ABCA3: variants seen among roughly 807,000 people sequenced by gnomAD.
The protein encoded by ABCA3 is phospholipid-transporting ATPase ABCA3.
Under a neutral mutation model 172.8 loss-of-function variants are expected in ABCA3, and 88 were observed. The observed-to-expected ratio is 0.51, with a 90% CI of 0.43 to 0.61. ABCA3 has a LOEUF of 0.61. Among genes scored for constraint, ABCA3 ranks in the 20% least tolerant of loss-of-function variants. The pLI, the probability that ABCA3 is intolerant of heterozygous loss-of-function variation, is 0.00. For missense variants in ABCA3, 2,164 were observed against 2,301.0 expected (o/e 0.94, Z 1.22); for synonymous variants, 1,066 against 983.8 (o/e 1.08, Z -1.56).
chr16:2,282,783 C>T (rs1455741441), intron 26 of ABCA3, among the ~76,000 whole-genome samples: 2 of 126,418 alleles, frequency 1.6e-5, no homozygotes, highest in African/African-American at 6.2e-5. Context: ...ACCACCTCTG[C>T]TCAGCAGGAC....
chr16:2,290,365 A>G (rs2093670180), intron 19 of ABCA3, among the ~76,000 whole-genome samples: 1 of 152,226 alleles, frequency 6.6e-6, no homozygotes, highest in Non-Finnish European at 1.5e-5. Context: ...GTCCTAGACA[A>G]ACCAGGAAAA....
Position 2,276,516 on chromosome 16 carries a change from A to C in ABCA3, c.*158T>G. On this transcript the variant is annotated 3_prime_UTR_variant, in exon 33 of 33. Transcript: ENST00000301732. ...ATCCTGGGCATGAGGGCTGGGCTGC[A>C]CTCGTCCATTCTGTGCATACTGCCT... 1 of 1,228,790 alleles carries C rather than the reference A, an allele frequency of 8.1e-7. No homozygotes were observed. Among genetic ancestry groups the C allele is most frequent in the Middle Eastern group, 2.2e-4 (1 of 4,568 alleles). The allele number at this position is 1,228,790 out of a possible 1,614,324, so 76.1% of individuals were successfully genotyped here.
intron 10 of ABCA3, among the ~76,000 whole-genome samples, chr16:2,316,848 T>G (rs2093716715): frequency 6.6e-6 from 1 of 152,018 alleles, no homozygotes; most frequent in Admixed American, 6.6e-5. Context: ...AAACACAACT[T>G]ATAGCCTCTG....
chr16:2,328,372 T>C (rs1427998371), intron 3 of ABCA3, 81 bp downstream of exon 3: 1 of 396,356 alleles, frequency 2.5e-6, no homozygotes, highest in African/African-American at 2.1e-5. Flanking sequence ...TCTATACAAA[T>C]AAAGTAAGAA....
chr16:2,322,262 A>G (rs1404937231), intron 7 of ABCA3, among the ~76,000 whole-genome samples: 1 of 151,980 alleles, frequency 6.6e-6, no homozygotes, highest in African/African-American at 2.4e-5. Flanking sequence ...CTTCCAGGAT[A>G]TAGAGAAAGG....
Position 2,304,004 on chromosome 16 carries a change from A to T in ABCA3, c.1432T>A (p.Phe478Ile), listed in dbSNP as rs368903234. Residue 478 changes from phenylalanine (F) to isoleucine (I), a missense_variant, in exon 12 of 33, where the codon TTC becomes ATC. Around this residue, in one of 3 missense-constraint regions of ABCA3, gnomAD observed 1,343 missense variants for 1,369.6 expected, o/e 0.98. Coordinates refer to ENST00000301732, the MANE Select transcript of ABCA3 (RefSeq NM_001089.3). ...AAGTACCAGGGCTGAGGCACGCCGA[A>T]CTGCCCTGGGAAGACGGCCTCCATG... ...WYMEAVFPGQFGVPQPWYFFI... is the reference protein window; with the variant it reads ...WYMEAVFPGQIGVPQPWYFFI... 6.2e-7 allele frequency: 1 copy of T among 1,614,176 alleles called. No homozygotes were observed. The highest frequency in any genetic ancestry group is 8.5e-7 in the Non-Finnish European group (1 of 1,180,018).
At chr16:2,295,497 G>T in intron 18 of ABCA3, 93 bp downstream of exon 18, 1 of 1,565,202 alleles carries the variant, frequency 6.4e-7, no homozygotes, top group Non-Finnish European at 8.7e-7. Flanking sequence ...CCAGAGAGGG[G>T]CAGAGCAGGT....
intron 20 of ABCA3, 35 bp downstream of exon 20, chr16:2,289,399 T>TCCC: frequency 3.6e-5 from 56 of 1,544,082 alleles, no homozygotes; most frequent in East Asian, 7.1e-5. Context: ...TGCTCGCCCT[T>TCCC]CCCCCGCCAC....
At chr16:2,288,468 C>T (rs549343713) in intron 20 of ABCA3, 139 bp from the exon 21 acceptor site, 9 of 1,054,092 alleles carry the variant, frequency 8.5e-6, no homozygotes, top group Admixed American at 2.5e-5. Context: ...ACTCCCAGAG[C>T]GTTGAAACGG....
rs141197016 is a variant in ABCA3 at position 2,327,281 on chromosome 16, T to C, written c.-26-789A>G. On this transcript the variant is annotated intron_variant, in intron 3 of 32. Transcript: ENST00000301732. Reference sequence around the variant, plus strand: ...GTGCATGCCACCAACACCCGGCTGGTCTCGAACTCCTGGCCTCAAGCAATC... The same window carrying C: ...GTGCATGCCACCAACACCCGGCTGGCCTCGAACTCCTGGCCTCAAGCAATC... Among the ~76,000 whole-genome samples the C allele has an allele frequency of 9.8e-3, 1,497 of 152,116 alleles. 8 individuals carry two copies. The highest frequency in any genetic ancestry group is 0.02 in the Middle Eastern group (6 of 294).
chr16:2,322,401 T>C (rs1190250614), intron 7 of ABCA3, among the ~76,000 whole-genome samples: 8 of 151,902 alleles, frequency 5.3e-5, no homozygotes, highest in African/African-American at 1.7e-4. Flanking sequence ...AATTATACTT[T>C]AAGTTTTAGG....
At chr16:2,313,681 G>A (rs1596856669) in intron 10 of ABCA3, among the ~76,000 whole-genome samples, 2 of 151,856 alleles carry the variant, frequency 1.3e-5, no homozygotes, top group Admixed American at 1.3e-4. Context: ...GAGGTGGGAG[G>A]ATCACTTGAG....
chr16:2,325,171 C>T (rs1030248654), intron 5 of ABCA3, among the ~76,000 whole-genome samples: 1 of 152,198 alleles, frequency 6.6e-6, no homozygotes, highest in African/African-American at 2.4e-5. Context: ...TCACTGTTTT[C>T]AGAGCTGCCC....
chr16:2,281,894 T>A lies in ABCA3; in HGVS notation c.4036-385A>T, dbSNP rs1322657788. On this transcript the variant is annotated intron_variant, in intron 26 of 32. Coordinates refer to ENST00000301732, the MANE Select transcript of ABCA3 (RefSeq NM_001089.3). The surrounding 1 kb of genome is among the most constrained non-coding windows in gnomAD (Gnocchi z 4.7). ...ATCTCAGCTCACTGCAAACTCTGCC[T>A]CCCAGGTTCAACTGATTCTCCTGCT... Among the ~76,000 whole-genome samples the A allele has an allele frequency of 6.6e-6, 1 of 151,776 alleles. No homozygotes were observed. Among genetic ancestry groups the A allele is most frequent in the African/African-American group, 2.4e-5 (1 of 41,270 alleles).
At chr16:2,304,559 T>G (rs909736922) in intron 11 of ABCA3, among the ~76,000 whole-genome samples, 4 of 136,094 alleles carry the variant, frequency 2.9e-5, no homozygotes, top group African/African-American at 1.1e-4. Context: ...CAGGCAGGAG[T>G]GCAGTGCTGC....
At position 2,281,521 on chromosome 16, in the gene ABCA3, G is replaced by T; in HGVS notation, c.4036-12C>A. On this transcript the variant is annotated splice_polypyrimidine_tract_variant and intron_variant, in intron 26 of 32. Coordinates refer to ENST00000301732, the MANE Select transcript of ABCA3 (RefSeq NM_001089.3). The surrounding 1 kb of genome is among the most constrained non-coding windows in gnomAD (Gnocchi z 4.7). ...GTGTATAATTCTGTCTGATTGACCA[G>T]GACAAAGACCGCATGCGTGAACCCA... The T allele has an allele frequency of 6.2e-7, 1 of 1,606,964 alleles. No individual in the cohort carries two copies. The highest frequency in any genetic ancestry group is 1.3e-5 in the African/African-American group (1 of 74,654).
In ABCA3 at chr16:2,328,656, A is replaced by G; in HGVS notation, c.-230T>C. ...TGGTCCACTCGCTACAACTGCAGGC[A>G]GAGAGGAGTCCTTCCCGCTCAGCGT... On this transcript the variant is annotated 5_prime_UTR_variant, in exon 3 of 33. Coordinates refer to ENST00000301732, the MANE Select transcript of ABCA3 (RefSeq NM_001089.3). 1 of 462,450 alleles carries G rather than the reference A, an allele frequency of 2.2e-6. No homozygotes were observed. Among genetic ancestry groups the G allele is most frequent in the Non-Finnish European group, 4.4e-6 (1 of 229,596 alleles). 28.6% of individuals were successfully genotyped at this position (462,450 alleles called of 1,614,324 possible).
At position 2,297,173 on chromosome 16, in the gene ABCA3, C is replaced by A. The variant is rs1371531313; in HGVS notation, c.2263+156G>T. 1.3e-5 allele frequency among the ~76,000 whole-genome samples: 2 copies of A among 152,130 alleles called. No homozygotes were observed. The highest frequency in any genetic ancestry group is 2.9e-5 in the Non-Finnish European group (2 of 68,020). On this transcript the variant is annotated intron_variant, in intron 17 of 32. Transcript: ENST00000301732. The surrounding 1 kb of genome is among the most constrained non-coding windows in gnomAD (Gnocchi z 5.6). ...CTGCCTCTTCCCTCTCACAAGCCCC[C>A]CTGCCTGGTTGGGCTCTCCACCCAG...
chr16:2,319,276 G>A (rs1389551602), intron 8 of ABCA3, among the ~76,000 whole-genome samples: 1 of 152,098 alleles, frequency 6.6e-6, no homozygotes, highest in Non-Finnish European at 1.5e-5. Flanking sequence ...ACAAGGTCAG[G>A]AGATTGAGAC....
Sources: gnomAD v4.1 joint callset for allele counts (sites outside exome capture counted in the v4.1 genomes callset) on GRCh38, gnomAD v4.1.1 for gene constraint, gnomAD v4.1.1 regional missense constraint, Gnocchi (gnomAD v3.1) non-coding constraint, MANE v1.5 for transcripts, NCBI Gene and HGNC (gene_info 2026-07-23, HGNC 2026-07-21) for gene names.